MRTFA: variants seen among roughly 807,000 people sequenced by gnomAD.
The protein encoded by MRTFA is myocardin-related transcription factor A.
Under a neutral mutation model 83.5 loss-of-function variants are expected in MRTFA, and 20 were observed. The ratio of observed to expected loss-of-function variants is 0.24; its 90% CI spans 0.17 to 0.35. The LOEUF (loss-of-function observed/expected upper bound fraction) is 0.35. Ranked by LOEUF, MRTFA falls within the 10% of genes least tolerant of loss-of-function variation. MRTFA has a pLI of 1.00. For synonymous variants in MRTFA, 659 were observed against 541.2 expected, an observed-to-expected ratio of 1.22 and a Z score of -3.02; for missense variants, 1,200 against 1,224.7, an observed-to-expected ratio of 0.98 and a Z score of 0.30.
At chr22:40,488,389 C>T (rs1162742942) in intron 3 of MRTFA, among the ~76,000 whole-genome samples, 7 of 152,180 alleles carry the variant, frequency 4.6e-5, no homozygotes, top group African/African-American at 1.7e-4. Flanking sequence ...CCACTAGCCA[C>T]ACATGCTATT....
intron 1 of MRTFA, among the ~76,000 whole-genome samples, chr22:40,612,830 C>G (rs975621656): frequency 3.9e-5 from 6 of 152,096 alleles, no homozygotes; most frequent in African/African-American, 1.4e-4. Flanking sequence ...GCATGGCTGC[C>G]CAGCTACTCA....
At position 40,485,475 on chromosome 22, in the gene MRTFA, G is replaced by A. The variant is rs151044480; in HGVS notation, c.242-22189C>T. Reference sequence around the variant, plus strand: ...ACTCCAATGGTGTGTGAAGGCGGGAGGAGAGCCTGAGTATCAGATTAAAAA... The same window carrying A: ...ACTCCAATGGTGTGTGAAGGCGGGAAGAGAGCCTGAGTATCAGATTAAAAA... On this transcript the variant is annotated intron_variant, in intron 3 of 14. Transcript: ENST00000355630. Among the ~76,000 whole-genome samples the A allele has an allele frequency of 2.0e-3, 303 of 152,202 alleles. 1 individual carries two copies. Among genetic ancestry groups the A allele is most frequent in the African/African-American group, 7.0e-3 (291 of 41,514 alleles).
chr22:40,443,771 G>A (rs977874443), intron 4 of MRTFA, among the ~76,000 whole-genome samples: 3 of 152,120 alleles, frequency 2.0e-5, no homozygotes. Flanking sequence ...GGCTGGGGTG[G>A]TGTCAGAAAG....
At chr22:40,515,269 T>C (rs1042895655) in intron 3 of MRTFA, among the ~76,000 whole-genome samples, 3 of 152,120 alleles carry the variant, frequency 2.0e-5, no homozygotes, top group Non-Finnish European at 2.9e-5. Flanking sequence ...GCATTTACTA[T>C]GTATCAAGCA....
At chr22:40,437,155 A>G (rs988689341) in intron 4 of MRTFA, among the ~76,000 whole-genome samples, 4 of 152,036 alleles carry the variant, frequency 2.6e-5, no homozygotes, top group Admixed American at 6.5e-5. Flanking sequence ...TACCTCCCCA[A>G]CCTACCTGGG....
At chr22:40,490,098 A>G (rs1486907747) in intron 3 of MRTFA, among the ~76,000 whole-genome samples, 3 of 151,922 alleles carry the variant, frequency 2.0e-5, no homozygotes, top group Non-Finnish European at 1.5e-5. Flanking sequence ...TGCATGTAAC[A>G]CAGATATTTT....
chr22:40,464,309 G>GAAAA (rs398040500), intron 3 of MRTFA, among the ~76,000 whole-genome samples: 133 of 56,062 alleles, frequency 2.4e-3, no homozygotes, highest in East Asian at 4.8e-3. Flanking sequence ...GCTGTCTCAG[G>GAAAA]AAAAAAAAAA....
chr22:40,446,709 G>A (rs2053384636), intron 4 of MRTFA, among the ~76,000 whole-genome samples: 1 of 152,222 alleles, frequency 6.6e-6, no homozygotes, highest in African/African-American at 2.4e-5. Context: ...TATGCCAGTG[G>A]ATTGGTGGAA....
At chr22:40,483,449 G>A (rs1341891007) in intron 3 of MRTFA, among the ~76,000 whole-genome samples, 1 of 151,390 alleles carries the variant, frequency 6.6e-6, no homozygotes, top group Non-Finnish European at 1.5e-5. Flanking sequence ...ACTTTGGGAG[G>A]CCGAGGCGAG....
At chr22:40,516,807 T>C (rs904055768) in intron 3 of MRTFA, among the ~76,000 whole-genome samples, 20 of 152,222 alleles carry the variant, frequency 1.3e-4, no homozygotes, top group Non-Finnish European at 2.8e-4. Flanking sequence ...AGGAAGCTTC[T>C]ATGCAAAGGT....
At chr22:40,496,948 C>G (rs930845342) in intron 3 of MRTFA, among the ~76,000 whole-genome samples, 3 of 152,130 alleles carry the variant, frequency 2.0e-5, no homozygotes, top group African/African-American at 7.2e-5. Context: ...GAATGGTTCT[C>G]TAAGATTTAT....
intron 3 of MRTFA, among the ~76,000 whole-genome samples, chr22:40,466,780 T>A (rs949607526): frequency 6.6e-6 from 1 of 152,106 alleles, no homozygotes; most frequent in Non-Finnish European, 1.5e-5. Flanking sequence ...CATATATGAA[T>A]AGGGCCATAG....
intron 3 of MRTFA, among the ~76,000 whole-genome samples, chr22:40,529,115 T>C (rs2055030783): frequency 6.6e-6 from 1 of 152,168 alleles, no homozygotes; most frequent in African/African-American, 2.4e-5. Context: ...AGGGAAAAAC[T>C]TATATGTCCA....
At chr22:40,508,078 A>G (rs1021265007) in intron 3 of MRTFA, among the ~76,000 whole-genome samples, 5 of 151,650 alleles carry the variant, frequency 3.3e-5, no homozygotes. Context: ...AGTGGCTTCT[A>G]GGGAAACATA....
intron 4 of MRTFA, among the ~76,000 whole-genome samples, chr22:40,445,302 C>T (rs2053355149): frequency 6.6e-6 from 1 of 152,184 alleles, no homozygotes; most frequent in Admixed American, 6.5e-5. Flanking sequence ...ATTTTCTTCA[C>T]TTATGGAATC....
chr22:40,502,760 C>T (rs1233617363), intron 3 of MRTFA, among the ~76,000 whole-genome samples: 6 of 151,766 alleles, frequency 4.0e-5, no homozygotes, highest in Admixed American at 3.3e-4. Context: ...CGCTGCCTCC[C>T]GGGCGGCGCT....
chr22:40,556,849 A>G (rs552558369), intron 2 of MRTFA, among the ~76,000 whole-genome samples: 5 of 152,226 alleles, frequency 3.3e-5, no homozygotes, highest in Admixed American at 6.5e-5. Flanking sequence ...GCAGCCTTTC[A>G]GACTAAAAAA....
In MRTFA at chr22:40,619,349, T is replaced by A. The variant is rs181267586; in HGVS notation, c.-84+17129A>T. ...TTGGTAAAAATATGAATGTTAAAGG[T>A]ACTCTTGACAAGCACTCAGAAGGAA... On this transcript the variant is annotated intron_variant, in intron 1 of 14. Coordinates refer to ENST00000355630, the MANE Select transcript of MRTFA (RefSeq NM_020831.6). 8.9e-4 allele frequency among the ~76,000 whole-genome samples: 135 copies of A among 151,794 alleles called. 1 individual carries two copies. The Middle Eastern group carries it at 0.02, about 23-fold the overall frequency.
At position 40,419,425 on chromosome 22, in the gene MRTFA, G is replaced by A. The variant is rs143053577; in HGVS notation, c.1354-41C>T. The A allele has an allele frequency of 4.2e-3, 6,617 of 1,588,672 alleles. 104 individuals carry two copies. In the Middle Eastern group the frequency reaches 0.044, roughly 11 times the overall value. On this transcript the variant is annotated intron_variant, in intron 11 of 14. Transcript: ENST00000355630. ...GAGTCAGGGAGGCCAGGGGCAGCTG[G>A]ACACAGGGCACTGGGTCCAGGCAGA... is the stretch of plus-strand genomic sequence containing the variant.
Sources: gnomAD v4.1 joint callset for allele counts (sites outside exome capture counted in the v4.1 genomes callset) on GRCh38, gnomAD v4.1.1 for gene constraint, MANE v1.5 for transcripts, NCBI Gene and HGNC (gene_info 2026-07-23, HGNC 2026-07-21) for gene names.